Variants in GRIN2A observed in about 807,000 individuals in gnomAD.
GRIN2A encodes glutamate ionotropic receptor NMDA type subunit 2A, also known as glutamate receptor ionotropic, NMDA 2A.
A neutral mutation model predicts 113.4 loss-of-function variants in GRIN2A; 22 were observed. The observed-to-expected ratio is 0.19, with a 90% confidence interval of 0.14 to 0.28. GRIN2A has a LOEUF of 0.28. Ranked by LOEUF, GRIN2A falls within the 10% of genes least tolerant of loss-of-function variation. The pLI is 1.00. For missense variants in GRIN2A, 1,502 were observed against 1,887.0 expected (o/e 0.80, Z 3.78); for synonymous variants, 827 against 738.4 (o/e 1.12, Z -1.94).
intron 2 of GRIN2A, among the ~76,000 whole-genome samples, chr16:10,137,496 G>A (rs1328310792): frequency 2.6e-5 from 4 of 152,128 alleles, no homozygotes; most frequent in African/African-American, 9.7e-5. Context: ...TGCACACTAT[G>A]GACAATTTCA....
intron 2 of GRIN2A, among the ~76,000 whole-genome samples, chr16:10,027,229 G>A (rs1417008905): frequency 6.6e-6 from 1 of 152,166 alleles, no homozygotes; most frequent in Non-Finnish European, 1.5e-5. Context: ...AAAGTGTAAG[G>A]GATCTTATAA....
Position 10,180,166 on chromosome 16 carries a change from G to C in GRIN2A, c.246C>G (p.Leu82=). The C allele has an allele frequency of 6.2e-7, 1 of 1,614,228 alleles. No homozygotes were observed. Among genetic ancestry groups the C allele is most frequent in the Non-Finnish European group, 8.5e-7 (1 of 1,180,046 alleles). The change falls in exon 2 of 13, where the codon CTC becomes CTG. Residue 82 remains leucine, a synonymous_variant. Transcript: ENST00000330684. The surrounding 1 kb of genome is among the most constrained non-coding windows in gnomAD (Gnocchi z 7.0). ...ACATGAGGTCGCACACGTGCGTGAT[G>C]AGGCTCTTGGGGTCGGTGCGGTTCA... The part of the protein sequence containing the change: ...LLMNRTDPKS[L]ITHVCDLMSG...
intron 11 of GRIN2A, among the ~76,000 whole-genome samples, chr16:9,780,968 T>G (rs1393539984): frequency 6.6e-6 from 1 of 151,230 alleles, no homozygotes; most frequent in Non-Finnish European, 1.5e-5. Flanking sequence ...ATGTCACTTT[T>G]ATTGTTTAAG....
intron 3 of GRIN2A, among the ~76,000 whole-genome samples, chr16:9,892,358 A>G (rs569255840): frequency 6.6e-6 from 1 of 152,338 alleles, no homozygotes; most frequent in East Asian, 1.9e-4. Context: ...GAGCGGGTAC[A>G]GAGGGACTAC....
At chr16:9,949,591 G>A (rs1002016099) in intron 2 of GRIN2A, among the ~76,000 whole-genome samples, 1 of 151,858 alleles carries the variant, frequency 6.6e-6, no homozygotes, top group African/African-American at 2.4e-5. Flanking sequence ...TGGATAGACG[G>A]ACAGATGGAT....
chr16:10,173,323 T>A (rs183867494), intron 2 of GRIN2A, among the ~76,000 whole-genome samples: 3 of 152,304 alleles, frequency 2.0e-5, no homozygotes, highest in Non-Finnish European at 2.9e-5. Context: ...GCATCCAAAC[T>A]CTGGAGCTGC....
intron 2 of GRIN2A, among the ~76,000 whole-genome samples, chr16:9,990,839 G>C (rs2046097415): frequency 6.6e-6 from 1 of 152,160 alleles, no homozygotes; most frequent in Non-Finnish European, 1.5e-5. Context: ...GGCCGAGGCA[G>C]GTGGATCACC....
intron 2 of GRIN2A, among the ~76,000 whole-genome samples, chr16:10,125,632 A>G (rs1363093741): frequency 2.7e-3 from 12 of 4,466 alleles, no homozygotes; most frequent in Non-Finnish European, 0.014. Flanking sequence ...TGGTGGGAGG[A>G]AAAAAAAAAA....
At chr16:10,149,568 C>T (rs1243213572) in intron 2 of GRIN2A, among the ~76,000 whole-genome samples, 1 of 152,072 alleles carries the variant, frequency 6.6e-6, no homozygotes, top group Non-Finnish European at 1.5e-5. Flanking sequence ...TCTGTTACTC[C>T]GCACATCAAA....
chr16:10,140,283 T>C (rs2049298440), intron 2 of GRIN2A, among the ~76,000 whole-genome samples: 1 of 152,092 alleles, frequency 6.6e-6, no homozygotes. Flanking sequence ...ACACACAGTA[T>C]ACCATGACGA....
At chr16:9,778,876 C>G (rs1262304796) in intron 11 of GRIN2A, among the ~76,000 whole-genome samples, 2 of 152,188 alleles carry the variant, frequency 1.3e-5, no homozygotes, top group South Asian at 4.1e-4. Flanking sequence ...GAGGGAAAAC[C>G]CAGTCTGCGG....
At chr16:9,804,614 G>A (rs749842183) in intron 10 of GRIN2A, among the ~76,000 whole-genome samples, 2 of 151,972 alleles carry the variant, frequency 1.3e-5, no homozygotes, top group Non-Finnish European at 2.9e-5. Context: ...TGGGGTCCAT[G>A]CCACCTTTCT....
At chr16:10,066,889 A>G (rs574950419) in intron 2 of GRIN2A, among the ~76,000 whole-genome samples, 1 of 152,356 alleles carries the variant, frequency 6.6e-6, no homozygotes, top group South Asian at 2.1e-4. Context: ...CCAAATGTCC[A>G]TTGACAGAAG....
In GRIN2A at chr16:9,759,334, TAATTC is replaced by T. The variant is rs1900483338; in HGVS notation, c.*3810_*3814del. On this transcript the variant is annotated 3_prime_UTR_variant, in exon 13 of 13. Transcript: ENST00000330684. ...TTTCATTAGCAATTCTATTTGCAAATAATTCAGGGCATTTGTCATTTCCTGTGAAG... is the reference window on the plus strand; with the variant it reads ...TTTCATTAGCAATTCTATTTGCAAATAGGGCATTTGTCATTTCCTGTGAAG... 1 of 223,266 alleles carries T rather than the reference TAATTC, an allele frequency of 4.5e-6. No homozygotes were observed. Among genetic ancestry groups the T allele is most frequent in the African/African-American group, 2.2e-5 (1 of 44,816 alleles). 13.8% of individuals were successfully genotyped at this position (223,266 alleles called of 1,614,324 possible).
intron 10 of GRIN2A, among the ~76,000 whole-genome samples, chr16:9,803,221 A>G (rs572760121): frequency 6.6e-6 from 1 of 152,264 alleles, no homozygotes; most frequent in South Asian, 2.1e-4. Flanking sequence ...CTTGACCAAC[A>G]TGGAGAAACC....
chr16:9,920,313 G>A (rs1409139653), intron 3 of GRIN2A, among the ~76,000 whole-genome samples: 1 of 152,184 alleles, frequency 6.6e-6, no homozygotes, highest in Non-Finnish European at 1.5e-5. Context: ...GATGCCAGGG[G>A]ACTGTTTTTA....
chr16:9,811,052 A>G (rs1198252685), intron 10 of GRIN2A, among the ~76,000 whole-genome samples: 1 of 152,190 alleles, frequency 6.6e-6, no homozygotes, highest in African/African-American at 2.4e-5. Flanking sequence ...GGGCTGATAC[A>G]TTAACACCAT....
At chr16:10,051,793 G>C (rs1226918367) in intron 2 of GRIN2A, among the ~76,000 whole-genome samples, 1 of 152,190 alleles carries the variant, frequency 6.6e-6, no homozygotes, top group Admixed American at 6.5e-5. Flanking sequence ...CAGAGAGACT[G>C]GCCAGACCCT....
intron 2 of GRIN2A, among the ~76,000 whole-genome samples, chr16:10,078,285 T>C (rs749379435): frequency 1.1e-4 from 17 of 152,080 alleles, no homozygotes; most frequent in Admixed American, 3.3e-4. Flanking sequence ...ACCAGCCAAG[T>C]GCCTGGAACC....
Sources: gnomAD v4.1 joint callset for allele counts (sites outside exome capture counted in the v4.1 genomes callset) on GRCh38, gnomAD v4.1.1 for gene constraint, Gnocchi (gnomAD v3.1) non-coding constraint, MANE v1.5 for transcripts, NCBI Gene and HGNC (gene_info 2026-07-23, HGNC 2026-07-21) for gene names.